Variants in BABAM2 observed in about 807,000 individuals in gnomAD.
BABAM2 encodes BRISC and BRCA1-A complex member 2.
BABAM2 carries 31 observed loss-of-function variants against 54.7 expected under a neutral mutation model. The observed-to-expected ratio is 0.57, with a 90% confidence interval of 0.43 to 0.77. The LOEUF is 0.77. Ranked by LOEUF, BABAM2 falls within the 30% of genes least tolerant of loss-of-function variation. BABAM2 has a pLI of 0.00. For synonymous variants in BABAM2, 167 were observed against 162.9 expected (o/e 1.03, Z -0.19); for missense variants, 364 against 455.8 (o/e 0.80, Z 1.83).
At chr2:28,310,671 G>A (rs1218245386) in intron 11 of BABAM2, among the ~76,000 whole-genome samples, 1 of 149,412 alleles carries the variant, frequency 6.7e-6, no homozygotes, top group Non-Finnish European at 1.5e-5. Flanking sequence ...ATCACCTGAG[G>A]TCAGGAATTC....
At chr2:27,904,799 C>T (rs1368240214) in intron 2 of BABAM2, among the ~76,000 whole-genome samples, 1 of 152,148 alleles carries the variant, frequency 6.6e-6, no homozygotes, top group Non-Finnish European at 1.5e-5. Context: ...TTCAGACTTT[C>T]AAGAACTCAA....
chr2:28,194,497 C>T (rs1677288215), intron 7 of BABAM2, among the ~76,000 whole-genome samples: 1 of 150,992 alleles, frequency 6.6e-6, no homozygotes, highest in South Asian at 2.1e-4. Flanking sequence ...TAAACAGTGA[C>T]TATTACTTAT....
chr2:28,179,605 A>G (rs993619752), intron 7 of BABAM2, among the ~76,000 whole-genome samples: 6 of 152,242 alleles, frequency 3.9e-5, no homozygotes, highest in Non-Finnish European at 7.4e-5. Context: ...CCTGGTCAAC[A>G]TGGTACTGGA....
intron 7 of BABAM2, among the ~76,000 whole-genome samples, chr2:28,225,915 A>G (rs1216772547): frequency 6.6e-6 from 1 of 152,062 alleles, no homozygotes; most frequent in Non-Finnish European, 1.5e-5. Context: ...CTTCCTGGAT[A>G]CTTTTCGTAC....
chr2:28,102,132 G>T (rs1001787122), intron 6 of BABAM2, among the ~76,000 whole-genome samples: 2 of 152,210 alleles, frequency 1.3e-5, no homozygotes, highest in African/African-American at 4.8e-5. Context: ...CCATTATCTA[G>T]CTTGTTCACC....
At chr2:28,027,054 C>T (rs1424503895) in intron 5 of BABAM2, among the ~76,000 whole-genome samples, 2 of 140,346 alleles carry the variant, frequency 1.4e-5, no homozygotes, top group Non-Finnish European at 3.0e-5. Flanking sequence ...TGTATGATTC[C>T]CATCACCACC....
chr2:28,297,470 ACAGT>A (rs1179697172), intron 10 of BABAM2, among the ~76,000 whole-genome samples: 1 of 152,208 alleles, frequency 6.6e-6, no homozygotes, highest in African/African-American at 2.4e-5. Flanking sequence ...TGTTATTGAA[ACAGT>A]CTGTGTTTTT....
chr2:28,024,964 G>C (rs1487809577), intron 4 of BABAM2, among the ~76,000 whole-genome samples: 2 of 152,056 alleles, frequency 1.3e-5, no homozygotes, highest in African/African-American at 4.8e-5. Flanking sequence ...GTTACTACCC[G>C]GCTTTACACT....
chr2:28,140,771 A>T lies in BABAM2; in HGVS notation c.680+11391A>T, dbSNP rs56731927. 9.4e-3 allele frequency among the ~76,000 whole-genome samples: 1,424 copies of T among 152,290 alleles called. 25 individuals are homozygous for T. The highest frequency in any genetic ancestry group is 0.033 in the African/African-American group (1,359 of 41,536). ...TACACACCTAACACGTGTGTATAAA[A>T]GATATATGTAGCTATGTGTGTGTAT... On this transcript the variant is annotated intron_variant, in intron 7 of 11. Transcript: ENST00000379624.
intron 6 of BABAM2, among the ~76,000 whole-genome samples, chr2:28,127,978 GT>G (rs199832012): frequency 0.013 from 2,029 of 151,850 alleles, 44 homozygotes; most frequent in African/African-American, 0.047. Context: ...GGCTAATTTT[GT>G]TTTTTTGTAT....
chr2:28,267,167 G>GGAAA (rs375470523), intron 10 of BABAM2, among the ~76,000 whole-genome samples: 4 of 151,798 alleles, frequency 2.6e-5, no homozygotes, highest in Non-Finnish European at 4.4e-5. Flanking sequence ...CAAAAAAGAA[G>GGAAA]GAAAGAAAGA....
chr2:28,207,885 A>T (rs1028634336), intron 7 of BABAM2, among the ~76,000 whole-genome samples: 1 of 152,064 alleles, frequency 6.6e-6, no homozygotes, highest in African/African-American at 2.4e-5. Context: ...AGGACCCTCA[A>T]TTTTTTTGTT....
chr2:27,952,979 C>A (rs1244487061), intron 3 of BABAM2, among the ~76,000 whole-genome samples: 1 of 152,058 alleles, frequency 6.6e-6, no homozygotes, highest in African/African-American at 2.4e-5. Context: ...TCTATATTGG[C>A]ACGTGAAAAA....
At chr2:28,084,379 C>G (rs1272370222) in intron 6 of BABAM2, among the ~76,000 whole-genome samples, 2 of 151,994 alleles carry the variant, frequency 1.3e-5, no homozygotes, top group African/African-American at 4.8e-5. Context: ...GGGCATTTTT[C>G]CAGAAGAAAA....
intron 7 of BABAM2, among the ~76,000 whole-genome samples, chr2:28,235,406 A>G (rs995279977): frequency 3.3e-5 from 5 of 151,696 alleles, no homozygotes. Flanking sequence ...CGATCTCTTG[A>G]CCTTGTGATC....
In BABAM2 at chr2:28,145,098, C is replaced by T. The variant is rs893469744; in HGVS notation, c.680+15718C>T. ...TAGGAACCTGTGCTTTTAACAAGTACCCTTAGTGATTTATATACTTACTAA... is the reference window on the plus strand; with the variant it reads ...TAGGAACCTGTGCTTTTAACAAGTATCCTTAGTGATTTATATACTTACTAA... On this transcript the variant is annotated intron_variant, in intron 7 of 11. Transcript: ENST00000379624. Among the ~76,000 whole-genome samples, 4 of 152,274 alleles carry T rather than the reference C, an allele frequency of 2.6e-5. 1 individual carries two copies. Among genetic ancestry groups the T allele is most frequent in the Middle Eastern group, 6.8e-3 (2 of 294 alleles).
At position 28,168,616 on chromosome 2, in the gene BABAM2, A is replaced by G. The variant is rs1408073808; in HGVS notation, c.680+39236A>G. Among the ~76,000 whole-genome samples, 3 of 152,188 alleles carry G rather than the reference A, an allele frequency of 2.0e-5. No homozygotes were observed. The East Asian group carries it at 5.8e-4, about 29-fold the overall frequency. On this transcript the variant is annotated intron_variant, in intron 7 of 11. Transcript: ENST00000379624. ...GGTCCTTTATTACCTTTTTTGTCCAATGCGTTGTTGACAGCAGTTTACTTA... is the reference window on the plus strand; with the variant it reads ...GGTCCTTTATTACCTTTTTTGTCCAGTGCGTTGTTGACAGCAGTTTACTTA...
chr2:28,189,307 T>A (rs368458224), intron 7 of BABAM2, among the ~76,000 whole-genome samples: 2 of 152,310 alleles, frequency 1.3e-5, no homozygotes, highest in East Asian at 3.9e-4. Flanking sequence ...GCTTGCAATT[T>A]AGTTGGGTAG....
chr2:27,928,216 A>C (rs1667850736), intron 2 of BABAM2, among the ~76,000 whole-genome samples: 1 of 152,034 alleles, frequency 6.6e-6, no homozygotes, highest in Non-Finnish European at 1.5e-5. Context: ...GGGTTTCACC[A>C]TGTTGGCCAG....
Sources: allele counts gnomAD v4.1 joint callset (sites outside exome capture counted in the v4.1 genomes callset), GRCh38; gene constraint gnomAD v4.1.1; transcripts MANE v1.5; gene names NCBI Gene and HGNC (gene_info 2026-07-23, HGNC 2026-07-21).